PLCH2: variants seen among roughly 807,000 people sequenced by gnomAD.
PLCH2 encodes the protein phospholipase C eta 2.
PLCH2 carries 98 observed loss-of-function variants against 134.7 expected under a neutral mutation model. The observed-to-expected ratio is 0.73, with a 90% CI of 0.62 to 0.86. PLCH2 has a LOEUF of 0.86. PLCH2 is among the 40% of genes least tolerant of loss of function. The pLI is 0.00. For synonymous variants in PLCH2, 974 were observed against 827.5 expected (o/e 1.18, Z -3.04); for missense variants, 1,994 against 1,986.6 (o/e 1.00, Z -0.07).
chr1:2,470,534 G>A (rs909765139), intron 1 of PLCH2, among the ~76,000 whole-genome samples: 2 of 152,208 alleles, frequency 1.3e-5, no homozygotes, highest in African/African-American at 4.8e-5. Flanking sequence ...CAGTGGCCCG[G>A]GGTGCTCTGG....
At chr1:2,497,455 C>G in intron 15 of PLCH2, 47 bp from the exon 16 acceptor site, 1 of 1,380,310 alleles carries the variant, frequency 7.2e-7, no homozygotes, top group Non-Finnish European at 1.0e-6. Context: ...GGGCACACAC[C>G]TGGAAGGTCA....
At chr1:2,483,835 G>T (rs1642121184) in intron 4 of PLCH2, among the ~76,000 whole-genome samples, 1 of 112,242 alleles carries the variant, frequency 8.9e-6, no homozygotes, top group African/African-American at 3.7e-5. Flanking sequence ...CCCGTGTGGG[G>T]GTGGCGCTGA....
In PLCH2 at chr1:2,484,453, G is replaced by C. The variant is rs374203904; in HGVS notation, c.651G>C (p.Ala217=). 1 of 1,613,012 alleles carries C rather than the reference G, an allele frequency of 6.2e-7. No homozygotes were observed. Among genetic ancestry groups the C allele is most frequent in the Non-Finnish European group, 8.5e-7 (1 of 1,179,696 alleles). ...RQRVKQMFRE[A]DTDDHQGTLG... ...CCCAAGGCCTTGCATTGCAGGAAGC[G>C]GACACGGATGACCACCAAGGGACGC... is the stretch of plus-strand genomic sequence containing the variant. The change falls in exon 5 of 22, where the codon GCG becomes GCC. Residue 217 remains alanine, a synonymous_variant. Transcript: ENST00000378486.
At chr1:2,452,810 C>T (rs990421264) in intron 2 of PLCH2, among the ~76,000 whole-genome samples, 13 of 152,236 alleles carry the variant, frequency 8.5e-5, no homozygotes, top group African/African-American at 3.1e-4. Context: ...CTGACCGCCG[C>T]TGGGCCTGGC....
chr1:2,434,617 G>A (rs1042659136), intron 2 of PLCH2, among the ~76,000 whole-genome samples: 3 of 152,222 alleles, frequency 2.0e-5, no homozygotes, highest in Admixed American at 6.5e-5. Context: ...GGACCCTCCA[G>A]TCCCGGAAGG....
upstream of PLCH2, among the ~76,000 whole-genome samples, chr1:2,421,501 T>C (rs558768250): frequency 2.6e-5 from 4 of 152,354 alleles, no homozygotes; most frequent in South Asian, 4.1e-4. Flanking sequence ...ATTTCTAGCT[T>C]ACTGTGATCC....
At chr1:2,446,381 C>T (rs370931185) in intron 2 of PLCH2, among the ~76,000 whole-genome samples, 3 of 152,310 alleles carry the variant, frequency 2.0e-5, no homozygotes, top group East Asian at 3.9e-4. Context: ...GAGTTAAGAC[C>T]CTGTAGCCAG....
At chr1:2,462,331 T>G (rs1451428210) in intron 2 of PLCH2, among the ~76,000 whole-genome samples, 1 of 31,172 alleles carries the variant, frequency 3.2e-5, no homozygotes, top group East Asian at 7.7e-4. Context: ...CTGACACCCC[T>G]CTGCCTGACA....
In PLCH2 at chr1:2,499,262, C is replaced by CCA. The variant is rs763510861; in HGVS notation, c.2581+32_2581+33insCA. 6.8e-5 allele frequency: 110 copies of CCA among 1,609,902 alleles called. 1 individual carries two copies. The South Asian group carries it at 1.1e-3, about 16-fold the overall frequency. ...AGGAGTGGACACGGTGCCCCCCACA[C>CCA]TGGCCGAGGGCCCCAGGGCAGGGCA... On this transcript the variant is annotated intron_variant, in intron 19 of 21. Coordinates refer to ENST00000378486, the MANE Select transcript of PLCH2 (RefSeq NM_014638.4).
At chr1:2,443,883 G>C (rs1639811197) in intron 2 of PLCH2, among the ~76,000 whole-genome samples, 1 of 150,758 alleles carries the variant, frequency 6.6e-6, no homozygotes, top group South Asian at 2.1e-4. Context: ...TGCGCCTCCC[G>C]GCCCGCAGCC....
intron 2 of PLCH2, among the ~76,000 whole-genome samples, chr1:2,450,183 A>G (rs867809): frequency 0.42 from 64,481 of 152,028 alleles, 14,077 homozygotes; most frequent in East Asian, 0.65. Context: ...CTGGGCCTCG[A>G]CGGGGGGGCA....
chr1:2,423,257 A>T (rs186389104), upstream of PLCH2, among the ~76,000 whole-genome samples: 8 of 152,248 alleles, frequency 5.3e-5, no homozygotes, highest in East Asian at 1.5e-3. Flanking sequence ...GCACCATCAC[A>T]GTTCACCGTA....
chr1:2,459,167 G>A (rs527492241), intron 2 of PLCH2, among the ~76,000 whole-genome samples: 1 of 152,380 alleles, frequency 6.6e-6, no homozygotes, highest in East Asian at 1.9e-4. Context: ...GAGCTTCACT[G>A]GGCCTCCCGT....
Position 2,439,725 on chromosome 1 carries a change from A to G in PLCH2, c.115+9096A>G, listed in dbSNP as rs1639600135. On this transcript the variant is annotated intron_variant, in intron 2 of 3. Transcript: ENST00000609981. This position sits in a 1 kb window ranked among gnomAD's most constrained non-coding sequence, Gnocchi z 4.7. ...CTGTTCACCTGGGGCTGACACTGCC[A>G]CCCTCGGGGGAGAGTCCCGGGGTCC... Among the ~76,000 whole-genome samples the G allele has an allele frequency of 6.6e-6, 1 of 151,972 alleles. No individual in the cohort carries two copies. The highest frequency in any genetic ancestry group is 2.4e-5 in the African/African-American group (1 of 41,374).
At position 2,504,318 on chromosome 1, in the gene PLCH2, C is replaced by G. The variant is rs1643410333; in HGVS notation, c.3356C>G (p.Ala1119Gly). 1 of 1,608,018 alleles carries G rather than the reference C, an allele frequency of 6.2e-7. No homozygotes were observed. Among genetic ancestry groups the G allele is most frequent in the African/African-American group, 1.3e-5 (1 of 74,980 alleles). The change falls in exon 22 of 22, where the codon GCC becomes GGC. Residue 1119 changes from alanine to glycine, a missense_variant. By Grantham distance (60) the Ala-to-Gly change is moderately conservative. Coordinates refer to ENST00000378486, the MANE Select transcript of PLCH2 (RefSeq NM_014638.4). The part of the protein sequence containing the change: ...RPLAAPFPAP[A>G]VYSDATGSDP... Reference sequence around the variant, plus strand: ...CTGGCCGCTCCCTTTCCAGCTCCTGCCGTGTACTCCGATGCCACGGGCAGT... The same window carrying G: ...CTGGCCGCTCCCTTTCCAGCTCCTGGCGTGTACTCCGATGCCACGGGCAGT...
intron 21 of PLCH2, 71 bp downstream of exon 21, chr1:2,502,480 C>G (rs767869631): frequency 7.0e-7 from 1 of 1,438,444 alleles, no homozygotes; most frequent in South Asian, 1.2e-5. Context: ...TGGACGGCCC[C>G]GGGCCTGCTG....
chr1:2,492,911 G>T (rs1385677000), intron 11 of PLCH2, among the ~76,000 whole-genome samples: 1 of 152,138 alleles, frequency 6.6e-6, no homozygotes, highest in South Asian at 2.1e-4. Context: ...AAGCCGGTGG[G>T]TAAGGAGGGG....
At chr1:2,424,842 T>C (rs781465843), upstream of PLCH2, among the ~76,000 whole-genome samples, 19 of 152,034 alleles carry the variant, frequency 1.2e-4, no homozygotes, top group Admixed American at 2.6e-4. Context: ...AAAAATTAGC[T>C]GGGCATGGTG....
chr1:2,485,561 G>A (rs1323739032), intron 5 of PLCH2, among the ~76,000 whole-genome samples: 3 of 151,992 alleles, frequency 2.0e-5, no homozygotes, highest in Admixed American at 6.5e-5. Context: ...CAGCCTGGGG[G>A]TGCTGCTTAG....
Sources: allele counts gnomAD v4.1 joint callset (sites outside exome capture counted in the v4.1 genomes callset), GRCh38; gene constraint gnomAD v4.1.1; non-coding constraint Gnocchi (gnomAD v3.1); transcripts MANE v1.5; gene names NCBI Gene and HGNC (gene_info 2026-07-23, HGNC 2026-07-21).